Variants in JMJD1C observed in about 807,000 individuals in gnomAD.
JMJD1C encodes jumonji domain-containing protein 1C.
JMJD1C carries 31 observed loss-of-function variants against 245.3 expected under a neutral mutation model. That is an observed-to-expected ratio of 0.13 (90% CI 0.09 to 0.17). The LOEUF is 0.17. JMJD1C is among the 10% of genes least tolerant of loss of function. The pLI is 1.00. For synonymous variants in JMJD1C, 1,057 were observed against 1,017.4 expected, an observed-to-expected ratio of 1.04 and a Z score of -0.74; for missense variants, 2,691 against 3,000.2, an observed-to-expected ratio of 0.90 and a Z score of 2.41.
intron 1 of JMJD1C, among the ~76,000 whole-genome samples, chr10:63,418,483 A>G (rs1949924427): frequency 1.3e-5 from 2 of 152,230 alleles, no homozygotes; most frequent in African/African-American, 4.8e-5. Flanking sequence ...TACAACAAAT[A>G]AAACAATTAG....
intron 3 of JMJD1C, among the ~76,000 whole-genome samples, chr10:63,237,348 TAA>T (rs10671215): frequency 6.6e-6 from 1 of 151,904 alleles, no homozygotes; most frequent in Non-Finnish European, 1.5e-5. Context: ...AAACACTCAC[TAA>T]AAATTTTTTT....
chr10:63,469,017 G>A (rs1589806680), upstream of JMJD1C, among the ~76,000 whole-genome samples: 1 of 148,076 alleles, frequency 6.8e-6, no homozygotes, highest in Non-Finnish European at 1.5e-5. Flanking sequence ...GACTTATAAA[G>A]GAAGAAAATG....
chr10:63,457,937 C>A (rs755270334), intron 1 of JMJD1C, among the ~76,000 whole-genome samples: 1 of 152,162 alleles, frequency 6.6e-6, no homozygotes, highest in Non-Finnish European at 1.5e-5. Flanking sequence ...TGTTTTTCTA[C>A]TTAGCCATGT....
chr10:63,218,606 T>C (rs186192187), intron 4 of JMJD1C, among the ~76,000 whole-genome samples: 1 of 152,258 alleles, frequency 6.6e-6, no homozygotes, highest in East Asian at 1.9e-4. Context: ...TTCCCACTAC[T>C]TAACATAGCT....
At chr10:63,371,068 C>T (rs1197398899) in intron 2 of JMJD1C, among the ~76,000 whole-genome samples, 1 of 152,096 alleles carries the variant, frequency 6.6e-6, no homozygotes, top group Non-Finnish European at 1.5e-5. Flanking sequence ...GCCTTGTACT[C>T]CTGGAGTCAA....
chr10:63,508,903 T>G (rs1954796356), intron 1 of JMJD1C, among the ~76,000 whole-genome samples: 1 of 152,238 alleles, frequency 6.6e-6, no homozygotes, highest in Non-Finnish European at 1.5e-5. Flanking sequence ...TTCTTCCTTT[T>G]CAATCTATAT....
chr10:63,206,330 G>A (rs1334112910), intron 10 of JMJD1C, among the ~76,000 whole-genome samples: 4 of 152,084 alleles, frequency 2.6e-5, no homozygotes, highest in African/African-American at 7.2e-5. Flanking sequence ...GTTAAATTAC[G>A]CAAATTACCT....
intron 2 of JMJD1C, among the ~76,000 whole-genome samples, chr10:63,366,318 T>A (rs1945836377): frequency 6.6e-6 from 1 of 152,200 alleles, no homozygotes; most frequent in Non-Finnish European, 1.5e-5. Context: ...GCTAATGTTG[T>A]CTATGATACC....
chr10:63,466,168 GA>G, upstream of JMJD1C: 5 of 190,834 alleles, frequency 2.6e-5, no homozygotes, highest in Non-Finnish European at 5.2e-5. Flanking sequence ...AGCGGGAGAC[GA>G]AAAAATGAAG....
chr10:63,485,268 T>A (rs976169065), intron 1 of JMJD1C, among the ~76,000 whole-genome samples: 1 of 152,104 alleles, frequency 6.6e-6, no homozygotes, highest in East Asian at 1.9e-4. Context: ...AAAACACAGA[T>A]GAGAGTATCT....
At chr10:63,216,404 A>G (rs1006200549) in intron 5 of JMJD1C, among the ~76,000 whole-genome samples, 19 of 152,140 alleles carry the variant, frequency 1.2e-4, no homozygotes, top group African/African-American at 4.6e-4. Context: ...CAAGACTTTC[A>G]GACTGGTACT....
chr10:63,278,840 C>CAA (rs113538798), intron 2 of JMJD1C, among the ~76,000 whole-genome samples: 16 of 83,762 alleles, frequency 1.9e-4, no homozygotes, highest in African/African-American at 3.3e-4. Context: ...ACTCCCATCT[C>CAA]AAAAAAAAAA....
Position 63,214,081 on chromosome 10 carries a change from A to C in JMJD1C, c.2086T>G (p.Leu696Val), listed in dbSNP as rs1433923419. The C allele has an allele frequency of 6.2e-7, 1 of 1,614,042 alleles. No individual in the cohort carries two copies. The highest frequency in any genetic ancestry group is 8.5e-7 in the Non-Finnish European group (1 of 1,179,986). The part of the protein sequence containing the change: ...FHPIPTRSST[L>V]ETTKSPLIID... Reference sequence around the variant, plus strand: ...ATAAGAGGACTCTTTGTAGTTTCTAATGTACTGCTTCGAGTAGGAATTGGA... The same window carrying C: ...ATAAGAGGACTCTTTGTAGTTTCTACTGTACTGCTTCGAGTAGGAATTGGA... The change falls in exon 8 of 26, where the codon TTA (leucine) becomes GTA (valine). Residue 696 changes from leucine to valine, a missense_variant. Around this residue, in one of 9 missense-constraint regions of JMJD1C, gnomAD observed 1,562 missense variants for 1,490.7 expected, o/e 1.05. Coordinates refer to ENST00000399262, the MANE Select transcript of JMJD1C (RefSeq NM_032776.3).
chr10:63,422,969 C>T lies in JMJD1C; in HGVS notation c.169-42487G>A, dbSNP rs1166246384. Among the ~76,000 whole-genome samples the T allele has an allele frequency of 1.8e-3, 256 of 138,746 alleles. 1 individual carries two copies. Among genetic ancestry groups the T allele is most frequent in the Non-Finnish European group, 2.3e-3 (146 of 62,838 alleles). 91.0% of individuals were successfully genotyped at this position (138,746 alleles called of 152,430 possible). On this transcript the variant is annotated intron_variant, in intron 1 of 25. Coordinates refer to ENST00000399262, the MANE Select transcript of JMJD1C (RefSeq NM_032776.3). ...ACTGTTACCAAAACTTTTTTTTTTT[C>T]TTTTTTTTTTTGAGACTGAGTTTTC...
intron 1 of JMJD1C, among the ~76,000 whole-genome samples, chr10:63,415,013 G>A (rs1949720284): frequency 6.6e-6 from 1 of 151,156 alleles, no homozygotes; most frequent in South Asian, 2.1e-4. Context: ...AAAGTGAACT[G>A]AATTTAAGTG....
chr10:63,198,043 C>T (rs1845644082), intron 12 of JMJD1C, among the ~76,000 whole-genome samples: 1 of 152,232 alleles, frequency 6.6e-6, no homozygotes, highest in South Asian at 2.1e-4. Flanking sequence ...ATGTTAGGAA[C>T]TATTAAGTAC....
At chr10:63,298,431 C>G (rs1179704260) in intron 2 of JMJD1C, among the ~76,000 whole-genome samples, 1 of 152,174 alleles carries the variant, frequency 6.6e-6, no homozygotes, top group Non-Finnish European at 1.5e-5. Flanking sequence ...CAACCTTTTG[C>G]AATCCTGAGC....
At chr10:63,276,744 A>G (rs1437659680) in intron 2 of JMJD1C, among the ~76,000 whole-genome samples, 2 of 152,104 alleles carry the variant, frequency 1.3e-5, no homozygotes, top group African/African-American at 4.8e-5. Flanking sequence ...TACAGACTTG[A>G]GCCATGGCAC....
intron 2 of JMJD1C, among the ~76,000 whole-genome samples, chr10:63,371,559 TG>T (rs1322866803): frequency 3.3e-5 from 5 of 152,212 alleles, no homozygotes; most frequent in Admixed American, 2.0e-4. Context: ...CTAATTCGTA[TG>T]AGGTACGTGA....
Sources: allele counts gnomAD v4.1 joint callset (sites outside exome capture counted in the v4.1 genomes callset), GRCh38; gene constraint gnomAD v4.1.1; regional missense constraint gnomAD v4.1.1; transcripts MANE v1.5; gene names NCBI Gene and HGNC (gene_info 2026-07-23, HGNC 2026-07-21).